The following ZNF423 variants were observed in gnomAD, a reference collection of about 807,000 sequenced individuals.
The protein encoded by ZNF423 is zinc finger protein 423, also known as Ebf-associated zinc finger protein.
In ZNF423, 12 loss-of-function variants were observed where a neutral mutation model predicts 95.8. The observed-to-expected ratio is 0.13, with a 90% CI of 0.08 to 0.20. The LOEUF (loss-of-function observed/expected upper bound fraction) is 0.20, where lower values mean the gene tolerates loss of function less well. ZNF423 is among the 10% of genes least tolerant of loss of function. The pLI, the probability that ZNF423 is intolerant of heterozygous loss-of-function variation, is 1.00. For synonymous variants in ZNF423, 749 were observed against 711.9 expected, an observed-to-expected ratio of 1.05 and a Z score of -0.83; for missense variants, 1,316 against 1,737.1, an observed-to-expected ratio of 0.76 and a Z score of 4.31.
At chr16:49,709,253 C>T (rs9927614) in intron 3 of ZNF423, among the ~76,000 whole-genome samples, 4,753 of 150,714 alleles carry the variant, frequency 0.032, 257 homozygotes, top group African/African-American at 0.11. Flanking sequence ...ACCATCATTT[C>T]CTGCCTCTTG....
chr16:49,648,925 T>G (rs558166629), intron 3 of ZNF423, among the ~76,000 whole-genome samples: 1 of 151,938 alleles, frequency 6.6e-6, no homozygotes, highest in African/African-American at 2.4e-5. Flanking sequence ...AGAGAAGGGA[T>G]TATCCAGGAA....
intron 5 of ZNF423, among the ~76,000 whole-genome samples, chr16:49,583,788 T>G (rs1449217971): frequency 6.6e-6 from 1 of 152,236 alleles, no homozygotes. Flanking sequence ...CTAGTGGTCC[T>G]ATAACCAAGT....
intron 5 of ZNF423, among the ~76,000 whole-genome samples, chr16:49,547,043 C>T (rs1042757982): frequency 6.6e-6 from 1 of 151,798 alleles, no homozygotes; most frequent in African/African-American, 2.4e-5. Context: ...GCCAGCTTTC[C>T]CACACTTCCA....
chr16:49,853,979 C>T, intron 1 of ZNF423: 1 of 985,412 alleles, frequency 1.0e-6, no homozygotes, highest in Non-Finnish European at 1.2e-6. Context: ...TGGGTCGCCT[C>T]TTAAGTGGCT....
intron 5 of ZNF423, among the ~76,000 whole-genome samples, chr16:49,572,708 A>G (rs1015460213): frequency 1.3e-5 from 2 of 152,168 alleles, no homozygotes; most frequent in Non-Finnish European, 2.9e-5. Context: ...CCATAGCTCA[A>G]GGAACTGTGA....
chr16:49,635,875 C>T lies in ZNF423; in HGVS notation c.3301G>A (p.Ala1101Thr), dbSNP rs144425413. The T allele has an allele frequency of 3.2e-5, 50 of 1,583,896 alleles. No individual in the cohort carries two copies. The highest frequency in any genetic ancestry group is 4.1e-5 in the Non-Finnish European group (48 of 1,167,608). Residue 1101 changes from alanine (A) to threonine (T), a missense_variant, in exon 4 of 8, where the codon GCC (alanine) becomes ACC (threonine). This residue lies in a region of ZNF423 where 620 missense variants were observed against 775.6 expected (regional missense o/e 0.80). Transcript: ENST00000563137. This position sits in a 1 kb window ranked among gnomAD's most constrained non-coding sequence, Gnocchi z 4.8. ...DVNGLPYGLC[A>T]GCMARSANGQ... The stretch of plus-strand genomic sequence containing the variant: ...TTGGCGCTGCGGGCCATGCAGCCGG[C>T]GCAGAGGCCGTAGGGCAGCCCATTG...
At position 49,615,258 on chromosome 16, in the gene ZNF423, G is replaced by A. The variant is rs79651392; in HGVS notation, c.3601+10912C>T. Among the ~76,000 whole-genome samples, 160 of 152,226 alleles carry A rather than the reference G, an allele frequency of 1.1e-3. 1 individual carries two copies. The highest frequency in any genetic ancestry group is 3.6e-3 in the African/African-American group (149 of 41,528). On this transcript the variant is annotated intron_variant, in intron 5 of 7. Transcript: ENST00000563137. ...AGGGTTGCCAGGTAAAATACAGGAC[G>A]GCAGGCAAATGCAAATTTCGGACAA... is the stretch of plus-strand genomic sequence containing the variant.
At chr16:49,608,470 A>C (rs1338304360) in intron 5 of ZNF423, among the ~76,000 whole-genome samples, 1 of 152,214 alleles carries the variant, frequency 6.6e-6, no homozygotes, top group Non-Finnish European at 1.5e-5. Flanking sequence ...ACTCCCACAG[A>C]TGTACTATTC....
chr16:49,583,475 T>C (rs937495008), intron 5 of ZNF423, among the ~76,000 whole-genome samples: 2 of 152,234 alleles, frequency 1.3e-5, no homozygotes, highest in African/African-American at 2.4e-5. Context: ...AACAAATACA[T>C]GTGCGCAAAA....
chr16:49,739,130 T>C (rs2033357239), intron 2 of ZNF423, among the ~76,000 whole-genome samples: 1 of 152,148 alleles, frequency 6.6e-6, no homozygotes, highest in Non-Finnish European at 1.5e-5. Flanking sequence ...TGGGGGACCA[T>C]GAACAAGTCA....
chr16:49,524,914 C>T (rs373895094), intron 6 of ZNF423, among the ~76,000 whole-genome samples: 1 of 152,180 alleles, frequency 6.6e-6, no homozygotes, highest in Non-Finnish European at 1.5e-5. Flanking sequence ...GCCCTTGACC[C>T]CTGCATCCTG....
chr16:49,550,652 A>G (rs1969599448), intron 5 of ZNF423, among the ~76,000 whole-genome samples: 1 of 152,244 alleles, frequency 6.6e-6, no homozygotes, highest in Non-Finnish European at 1.5e-5. Context: ...CACTGGGGAT[A>G]ACTGGGTCCT....
At chr16:49,654,169 C>T (rs1973516647) in intron 3 of ZNF423, among the ~76,000 whole-genome samples, 1 of 152,182 alleles carries the variant, frequency 6.6e-6, no homozygotes, top group African/African-American at 2.4e-5. Flanking sequence ...CAAGACCACC[C>T]ACTGTCATCA....
Position 49,635,924 on chromosome 16 carries a change from C to T in ZNF423, c.3252G>A (p.Lys1084=), listed in dbSNP as rs371197547. Residue 1084 remains lysine (K), a synonymous_variant, in exon 4 of 8, where the codon AAG becomes AAA. Transcript: ENST00000563137. The surrounding 1 kb of genome is among the most constrained non-coding windows in gnomAD (Gnocchi z 4.8). ...TGACGTCAAGCTTCACCAGGTCCTG[C>T]TTGCTGCGGAACTCCTTGAGGCACA... ...CALCLKEFRS[K]QDLVKLDVNG... is the part of the protein sequence containing the mutation. 7 of 1,587,588 alleles carry T rather than the reference C, an allele frequency of 4.4e-6. No individual in the cohort carries two copies. Among genetic ancestry groups the T allele is most frequent in the African/African-American group, 1.3e-5 (1 of 74,438 alleles).
At chr16:49,778,801 T>C (rs907544508) in intron 2 of ZNF423, among the ~76,000 whole-genome samples, 2 of 152,198 alleles carry the variant, frequency 1.3e-5, no homozygotes, top group African/African-American at 4.8e-5. Context: ...GCTAAGCTCC[T>C]ATGGCACTTC....
chr16:49,794,286 C>T (rs1405694478), intron 1 of ZNF423, among the ~76,000 whole-genome samples: 1 of 147,392 alleles, frequency 6.8e-6, no homozygotes, highest in Non-Finnish European at 1.5e-5. Context: ...CCAGGCTGGT[C>T]TTGAACTCCT....
intron 5 of ZNF423, among the ~76,000 whole-genome samples, chr16:49,597,699 C>T (rs550697480): frequency 1.3e-5 from 2 of 152,134 alleles, no homozygotes; most frequent in East Asian, 1.9e-4. Flanking sequence ...TGGGAGGCCC[C>T]CAACATTATG....
intron 3 of ZNF423, among the ~76,000 whole-genome samples, chr16:49,657,611 C>A (rs2029951786): frequency 6.6e-6 from 1 of 152,210 alleles, no homozygotes; most frequent in African/African-American, 2.4e-5. Context: ...CCTCTGAAGA[C>A]CATTCCTGGG....
intron 2 of ZNF423, among the ~76,000 whole-genome samples, chr16:49,749,495 A>G (rs2033592145): frequency 6.6e-6 from 1 of 152,268 alleles, no homozygotes; most frequent in South Asian, 2.1e-4. Context: ...ATAAAGAAAA[A>G]TAGTAAAAAA....
Sources: allele counts gnomAD v4.1 joint callset (sites outside exome capture counted in the v4.1 genomes callset), GRCh38; gene constraint gnomAD v4.1.1; regional missense constraint gnomAD v4.1.1; non-coding constraint Gnocchi (gnomAD v3.1); transcripts MANE v1.5; gene names NCBI Gene and HGNC (gene_info 2026-07-23, HGNC 2026-07-21).